The following DSTN variants were observed in gnomAD, a reference collection of about 807,000 sequenced individuals.
DSTN encodes destrin.
DSTN carries 10 observed loss-of-function variants against 16.8 expected under a neutral mutation model. That is an observed-to-expected ratio of 0.60 (90% CI 0.37 to 1.01). The LOEUF (loss-of-function observed/expected upper bound fraction) is 1.01, where lower values mean the gene tolerates loss of function less well. DSTN is among the 50% of genes least tolerant of loss of function. The probability of loss-of-function intolerance (pLI) is 0.01; values close to 1 mark genes in which losing one functional copy is unlikely to be tolerated. For synonymous variants in DSTN, 57 were observed against 58.9 expected, an observed-to-expected ratio of 0.97 and a Z score of 0.14; for missense variants, 141 against 196.7, an observed-to-expected ratio of 0.72 and a Z score of 1.69.
At chr20:17,580,772 A>G (rs1203395151) in intron 1 of DSTN, among the ~76,000 whole-genome samples, 2 of 151,868 alleles carry the variant, frequency 1.3e-5, no homozygotes, top group Non-Finnish European at 2.9e-5. Flanking sequence ...AATGGGAAGT[A>G]CTGGAAGAGT....
intron 1 of DSTN, chr20:17,591,939 G>T: frequency 5.1e-6 from 5 of 985,404 alleles, no homozygotes; most frequent in Non-Finnish European, 6.0e-6. Flanking sequence ...CAGATTTTCA[G>T]TTCACCCACT....
At chr20:17,570,413 G>T (rs2035185685) in intron 1 of DSTN, among the ~76,000 whole-genome samples, 1 of 152,214 alleles carries the variant, frequency 6.6e-6, no homozygotes. Flanking sequence ...CCGCGCCCCG[G>T]GGTGGATCCG....
intron 1 of DSTN, among the ~76,000 whole-genome samples, chr20:17,590,095 T>C (rs911046603): frequency 2.6e-5 from 4 of 152,350 alleles, no homozygotes; most frequent in Admixed American, 1.3e-4. Context: ...ATTTAGCTTT[T>C]GGACTGGTTC....
intron 1 of DSTN, among the ~76,000 whole-genome samples, chr20:17,585,039 G>A (rs924991089): frequency 6.6e-6 from 1 of 152,146 alleles, no homozygotes; most frequent in Non-Finnish European, 1.5e-5. Context: ...AGGTTACTGG[G>A]TTAAAGGGTC....
intron 1 of DSTN, among the ~76,000 whole-genome samples, chr20:17,575,048 G>T (rs536580436): frequency 6.6e-6 from 1 of 151,762 alleles, no homozygotes; most frequent in East Asian, 1.9e-4. Flanking sequence ...TTGTAGAAAT[G>T]AGATTTTGCT....
intron 1 of DSTN, among the ~76,000 whole-genome samples, chr20:17,587,995 C>T (rs1269788273): frequency 2.6e-5 from 4 of 152,218 alleles, no homozygotes; most frequent in African/African-American, 4.8e-5. Flanking sequence ...TGCTGATTTA[C>T]TGAGCACGAG....
intron 1 of DSTN, among the ~76,000 whole-genome samples, chr20:17,587,435 G>A (rs540532537): frequency 1.3e-5 from 2 of 152,016 alleles, no homozygotes; most frequent in African/African-American, 4.8e-5. Flanking sequence ...GTTAAGTCAG[G>A]CCCTCTTGTA....
At chr20:17,602,899 A>G (rs1293399570) in intron 2 of DSTN, among the ~76,000 whole-genome samples, 3 of 152,218 alleles carry the variant, frequency 2.0e-5, no homozygotes, top group Non-Finnish European at 4.4e-5. Flanking sequence ...ACACGCCTGC[A>G]GTTCCAGCTA....
intron 1 of DSTN, among the ~76,000 whole-genome samples, chr20:17,582,388 A>G (rs1306849763): frequency 1.3e-5 from 2 of 152,072 alleles, no homozygotes; most frequent in Non-Finnish European, 2.9e-5. Context: ...CCCGAAGTAT[A>G]CATTCTAATG....
rs566292134 is a variant in DSTN at position 17,605,001 on chromosome 20, T to C, written c.388+370T>C. On this transcript the variant is annotated intron_variant, in intron 3 of 3. Transcript: ENST00000246069. Reference sequence around the variant, plus strand: ...CTCTTGCCTTTGAATGTAGTTGTTATAATAAAGTTGCAAAAAGGAAATGTA... The same window carrying C: ...CTCTTGCCTTTGAATGTAGTTGTTACAATAAAGTTGCAAAAAGGAAATGTA... 272 of 457,826 alleles carry C rather than the reference T, an allele frequency of 5.9e-4. 1 individual carries two copies. Among genetic ancestry groups the C allele is most frequent in the Non-Finnish European group, 6.6e-4 (151 of 229,500 alleles). The allele number at this position is 457,826 out of a possible 1,614,324, so 28.4% of individuals were successfully genotyped here.
intron 1 of DSTN, among the ~76,000 whole-genome samples, chr20:17,595,672 A>T (rs547002419): frequency 8.6e-5 from 13 of 151,994 alleles, no homozygotes; most frequent in Non-Finnish European, 1.0e-4. Context: ...TCAAATCCCA[A>T]TTCCTCTATT....
intron 2 of DSTN, 127 bp downstream of exon 2, chr20:17,601,172 C>G: frequency 1.6e-6 from 2 of 1,216,342 alleles, no homozygotes; most frequent in East Asian, 2.7e-5. Context: ...TTTTTATTTA[C>G]AGGTTTCATA....
At chr20:17,602,590 G>C (rs2035598059) in intron 2 of DSTN, among the ~76,000 whole-genome samples, 1 of 152,156 alleles carries the variant, frequency 6.6e-6, no homozygotes. Context: ...CTTAAGAAAA[G>C]GTAGAACCTT....
At chr20:17,591,841 T>G in intron 1 of DSTN, 1 of 963,202 alleles carries the variant, frequency 1.0e-6, no homozygotes, top group South Asian at 4.8e-5. Flanking sequence ...ATTTTAGTGC[T>G]TTAAGATATC....
At chr20:17,580,748 C>CA (rs201810572) in intron 1 of DSTN, among the ~76,000 whole-genome samples, 1,103 of 109,980 alleles carry the variant, frequency 0.01, 10 homozygotes, top group African/African-American at 0.016. Flanking sequence ...AACTCCGTCT[C>CA]AAAAAAAAAA....
In DSTN at chr20:17,603,687, C is replaced by T. The variant is rs75377055; in HGVS notation, c.312-868C>T. Among the ~76,000 whole-genome samples the T allele has an allele frequency of 5.6e-3, 856 of 152,294 alleles. 23 individuals carry two copies. The highest frequency in any genetic ancestry group is 0.043 in the Admixed American group (659 of 15,298). On this transcript the variant is annotated intron_variant, in intron 2 of 3. Transcript: ENST00000246069. Reference sequence around the variant, plus strand: ...TGACACATATGCTGTGCTTCTAACACGCTTCCCTTCAAGAGGGAGAACGTG... The same window carrying T: ...TGACACATATGCTGTGCTTCTAACATGCTTCCCTTCAAGAGGGAGAACGTG...
intron 1 of DSTN, among the ~76,000 whole-genome samples, chr20:17,580,719 G>A (rs1389159878): frequency 6.6e-6 from 1 of 151,606 alleles, no homozygotes; most frequent in Non-Finnish European, 1.5e-5. Flanking sequence ...TTGCACTCCA[G>A]CCTGGGGGAC....
At chr20:17,599,887 A>T (rs990632907) in intron 1 of DSTN, 5 of 152,242 alleles carry the variant, frequency 3.3e-5, no homozygotes, top group Admixed American at 6.5e-5. Flanking sequence ...GTTGGGCTTT[A>T]TAATTCTTGC....
At chr20:17,580,214 T>C (rs953133021) in intron 1 of DSTN, among the ~76,000 whole-genome samples, 6 of 152,256 alleles carry the variant, frequency 3.9e-5, no homozygotes, top group African/African-American at 1.4e-4. Context: ...CTCTTAGTTA[T>C]ATTTTTCCTG....
Sources: allele counts gnomAD v4.1 joint callset (sites outside exome capture counted in the v4.1 genomes callset), GRCh38; gene constraint gnomAD v4.1.1; transcripts MANE v1.5; gene names NCBI Gene and HGNC (gene_info 2026-07-23, HGNC 2026-07-21).